Variants in EVA1C observed in about 807,000 individuals in gnomAD.
EVA1C encodes protein eva-1 homolog C.
EVA1C carries 25 observed loss-of-function variants against 45.4 expected under a neutral mutation model. The ratio of observed to expected loss-of-function variants is 0.55; its 90% CI spans 0.40 to 0.77. The LOEUF is 0.77. Among genes scored for constraint, EVA1C ranks in the 30% least tolerant of loss-of-function variants. The pLI is 0.00. For missense variants in EVA1C, 479 were observed against 554.8 expected, an observed-to-expected ratio of 0.86 and a Z score of 1.37; for synonymous variants, 190 against 221.2, an observed-to-expected ratio of 0.86 and a Z score of 1.25.
chr21:32,460,756 C>CT (rs3056330), intron 3 of EVA1C, among the ~76,000 whole-genome samples: 6 of 149,770 alleles, frequency 4.0e-5, no homozygotes, highest in African/African-American at 1.2e-4. Flanking sequence ...ACAGAAGAAT[C>CT]TTTTTTTTGG....
intron 1 of EVA1C, among the ~76,000 whole-genome samples, chr21:32,425,907 G>A (rs2146132846): frequency 6.6e-6 from 1 of 152,242 alleles, no homozygotes; most frequent in African/African-American, 2.4e-5. Context: ...GGCTAGACCA[G>A]CAGATTTGTC....
rs1297660213 is a variant in EVA1C at position 32,452,503 on chromosome 21, G to C, written c.161-809G>C. 1 of 152,218 alleles carries C rather than the reference G, an allele frequency of 6.6e-6. No individual in the cohort carries two copies. Among genetic ancestry groups the C allele is most frequent in the South Asian group, 2.1e-4 (1 of 4,824 alleles). The allele number at this position is 152,218 out of a possible 1,614,324, so 9.4% of individuals were successfully genotyped here. A position where few individuals can be genotyped will look rare whatever the true frequency, so the allele number is the denominator to read the frequency against. On this transcript the variant is annotated intron_variant, in intron 1 of 7. Coordinates refer to ENST00000300255, the MANE Select transcript of EVA1C (RefSeq NM_058187.5). This position sits in a 1 kb window ranked among gnomAD's most constrained non-coding sequence, Gnocchi z 4.0. ...GTTTACAGCTCCCGAAGCCCCAGTG[G>C]GCATGTGTTACAGTGGTCTCCTTCA...
At chr21:32,482,846 G>A (rs950209679) in intron 4 of EVA1C, among the ~76,000 whole-genome samples, 2 of 12,136 alleles carry the variant, frequency 1.6e-4, no homozygotes, top group Non-Finnish European at 3.4e-4. Flanking sequence ...ACATCCCAGT[G>A]TTATTCCCTT....
At chr21:32,469,229 T>A (rs1402632154) in intron 4 of EVA1C, among the ~76,000 whole-genome samples, 1 of 152,128 alleles carries the variant, frequency 6.6e-6, no homozygotes, top group Non-Finnish European at 1.5e-5. Flanking sequence ...TGGGTGCATA[T>A]GTCATATGTC....
At chr21:32,444,468 T>C (rs2035295404) in intron 1 of EVA1C, among the ~76,000 whole-genome samples, 1 of 152,166 alleles carries the variant, frequency 6.6e-6, no homozygotes. Flanking sequence ...TTATAAAGGC[T>C]ATTACAAAGG....
chr21:32,440,035 C>T (rs1186438798), intron 1 of EVA1C, among the ~76,000 whole-genome samples: 4 of 151,962 alleles, frequency 2.6e-5, no homozygotes, highest in South Asian at 2.1e-4. Context: ...GCTGTCTAAG[C>T]GGGTGGGATG....
At chr21:32,499,095 G>A (rs1240243606) in intron 5 of EVA1C, among the ~76,000 whole-genome samples, 1 of 152,170 alleles carries the variant, frequency 6.6e-6, no homozygotes, top group Non-Finnish European at 1.5e-5. Context: ...ATCCTAGAAT[G>A]CCCTTCCCCT....
Position 32,478,024 on chromosome 21 carries a change from G to A in EVA1C, c.634+10176G>A, listed in dbSNP as rs2036645951. ...CATACATTATTGGTCCCCCACACAA[G>A]CTCTGGTTCACGGTGGGAGGAGGCT... On this transcript the variant is annotated intron_variant, in intron 4 of 7. Transcript: ENST00000300255. 2.7e-5 allele frequency among the ~76,000 whole-genome samples: 4 copies of A among 146,986 alleles called. No individual in the cohort carries two copies. The Admixed American group carries it at 2.8e-4, about 10-fold the overall frequency.
intron 1 of EVA1C, among the ~76,000 whole-genome samples, chr21:32,439,955 T>C (rs1406802227): frequency 6.6e-6 from 1 of 152,158 alleles, no homozygotes; most frequent in Non-Finnish European, 1.5e-5. Flanking sequence ...AATTTCCACC[T>C]TGAAGTTAAG....
chr21:32,487,379 A>G (rs1251824852), intron 4 of EVA1C, among the ~76,000 whole-genome samples: 1 of 152,164 alleles, frequency 6.6e-6, no homozygotes, highest in East Asian at 1.9e-4. Context: ...AAAGCCCTCA[A>G]CAATGGGGCT....
chr21:32,502,422 T>C (rs1028876296), intron 6 of EVA1C, among the ~76,000 whole-genome samples: 1 of 151,914 alleles, frequency 6.6e-6, no homozygotes, highest in African/African-American at 2.4e-5. Context: ...CACTTGGCTT[T>C]TGTAAATGGG....
Position 32,514,795 on chromosome 21 carries a change from T to C in EVA1C, c.950-19T>C, listed in dbSNP as rs1184277743. The stretch of plus-strand genomic sequence containing the variant: ...TGCCAGCTCCTCCCAGCTCCTGACA[T>C]GTTCTCTTCCTCCTGCAGCCCACCC... On this transcript the variant is annotated intron_variant, in intron 7 of 7. Transcript: ENST00000300255. The C allele has an allele frequency of 2.6e-6, 4 of 1,522,906 alleles. No homozygotes were observed. The African/African-American group carries it at 5.5e-5, about 21-fold the overall frequency. 94.3% of individuals were successfully genotyped at this position (1,522,906 alleles called of 1,614,324 possible).
chr21:32,420,359 G>A (rs1389818073), intron 1 of EVA1C, among the ~76,000 whole-genome samples: 1 of 152,114 alleles, frequency 6.6e-6, no homozygotes, highest in African/African-American at 2.4e-5. Context: ...AATAGAGCGA[G>A]ACCCTGTCTC....
At position 32,417,684 on chromosome 21, in the gene EVA1C, G is replaced by A. The variant is rs753684629; in HGVS notation, c.160+4671G>A. Among the ~76,000 whole-genome samples the A allele has an allele frequency of 3.3e-5, 5 of 152,130 alleles. No homozygotes were observed. In the South Asian group the frequency reaches 8.3e-4, roughly 25 times the overall value. ...GAAATATGGTAATTCAATTGATCCCGGGGGCCTTGAGGTGGGAACTCAGTA... is the reference window on the plus strand; with the variant it reads ...GAAATATGGTAATTCAATTGATCCCAGGGGCCTTGAGGTGGGAACTCAGTA... On this transcript the variant is annotated intron_variant, in intron 1 of 7. Transcript: ENST00000300255.
chr21:32,423,000 G>A (rs576607937), intron 1 of EVA1C, among the ~76,000 whole-genome samples: 5 of 142,116 alleles, frequency 3.5e-5, no homozygotes, highest in Admixed American at 1.5e-4. Flanking sequence ...GAACATGGGA[G>A]GTGGAAGTTG....
At chr21:32,419,977 C>T (rs1200299886) in intron 1 of EVA1C, among the ~76,000 whole-genome samples, 2 of 152,172 alleles carry the variant, frequency 1.3e-5, no homozygotes, top group East Asian at 1.9e-4. Context: ...GTTGGAAAGG[C>T]AGCTGACCAA....
At chr21:32,497,338 G>C in intron 5 of EVA1C, 1 of 526,112 alleles carries the variant, frequency 1.9e-6, no homozygotes, top group South Asian at 1.9e-5. Context: ...TAATGGGTCC[G>C]TTGAGCCAAG....
At chr21:32,446,796 C>A (rs2035378780) in intron 1 of EVA1C, among the ~76,000 whole-genome samples, 1 of 152,164 alleles carries the variant, frequency 6.6e-6, no homozygotes, top group African/African-American at 2.4e-5. Flanking sequence ...TTCCAGCAAC[C>A]TTCTCCACCA....
At chr21:32,422,210 G>T (rs997700681) in intron 1 of EVA1C, among the ~76,000 whole-genome samples, 1 of 152,118 alleles carries the variant, frequency 6.6e-6, no homozygotes, top group East Asian at 1.9e-4. Flanking sequence ...AAGCCTGATG[G>T]GTAGGTTGAA....
Sources: allele counts gnomAD v4.1 joint callset (sites outside exome capture counted in the v4.1 genomes callset), GRCh38; gene constraint gnomAD v4.1.1; non-coding constraint Gnocchi (gnomAD v3.1); transcripts MANE v1.5; gene names NCBI Gene and HGNC (gene_info 2026-07-23, HGNC 2026-07-21).